The following RALGAPA2 variants were observed in gnomAD, a reference collection of about 807,000 sequenced individuals.
RALGAPA2 encodes the protein Ral GTPase activating protein catalytic subunit alpha 2.
RALGAPA2 carries 139 observed loss-of-function variants against 230.4 expected under a neutral mutation model. That is an observed-to-expected ratio of 0.60 (90% CI 0.53 to 0.69). The LOEUF (loss-of-function observed/expected upper bound fraction) is 0.69. Ranked by LOEUF, RALGAPA2 falls within the 30% of genes least tolerant of loss-of-function variation. The pLI is 0.00. For missense variants in RALGAPA2, 2,163 were observed against 2,276.0 expected (o/e 0.95, Z 1.01); for synonymous variants, 847 against 837.8 (o/e 1.01, Z -0.19).
At chr20:20,519,137 T>C (rs886971769) in intron 31 of RALGAPA2, among the ~76,000 whole-genome samples, 1 of 152,206 alleles carries the variant, frequency 6.6e-6, no homozygotes, top group Non-Finnish European at 1.5e-5. Flanking sequence ...GAGTAAATAA[T>C]GCATTTTAGG....
intron 37 of RALGAPA2, among the ~76,000 whole-genome samples, chr20:20,454,462 T>G (rs1429475533): frequency 6.6e-6 from 1 of 152,206 alleles, no homozygotes; most frequent in African/African-American, 2.4e-5. Context: ...GAAACCCTGG[T>G]TCAAACTTGT....
intron 37 of RALGAPA2, among the ~76,000 whole-genome samples, chr20:20,440,797 C>A (rs2060722672): frequency 6.6e-6 from 1 of 152,252 alleles, no homozygotes; most frequent in Admixed American, 6.5e-5. Flanking sequence ...ATTACATTAG[C>A]TAGCCATTCT....
chr20:20,580,356 C>T (rs1043558410), intron 20 of RALGAPA2, among the ~76,000 whole-genome samples: 2 of 152,172 alleles, frequency 1.3e-5, no homozygotes, highest in Admixed American at 6.6e-5. Context: ...CTTTCACATG[C>T]AAACCTACCA....
rs377045032 is a variant in RALGAPA2 at position 20,630,816 on chromosome 20, T to C, written c.1006-1226A>G. 2.6e-5 allele frequency among the ~76,000 whole-genome samples: 4 copies of C among 152,244 alleles called. No individual in the cohort carries two copies. The East Asian group carries it at 5.8e-4, about 22-fold the overall frequency. On this transcript the variant is annotated intron_variant, in intron 9 of 39. Transcript: ENST00000202677. The stretch of plus-strand genomic sequence containing the variant: ...GATTTCACATATACACACGCATATA[T>C]GTTAATCTGTAGGACACAGAGGCTA...
intron 37 of RALGAPA2, among the ~76,000 whole-genome samples, chr20:20,455,870 T>C (rs1457185346): frequency 6.6e-6 from 1 of 152,122 alleles, no homozygotes; most frequent in Non-Finnish European, 1.5e-5. Flanking sequence ...CATAAACTCA[T>C]CTAAAAAGTC....
At position 20,600,291 on chromosome 20, in the gene RALGAPA2, G is replaced by A. The variant is rs959439759; in HGVS notation, c.2203+1391C>T. On this transcript the variant is annotated intron_variant, in intron 16 of 39. Coordinates refer to ENST00000202677, the MANE Select transcript of RALGAPA2 (RefSeq NM_020343.4). ...AGCCTGAACAACAGCATGAGACTCC[G>A]ACTCAAAAAACAAAACAAAAAAAGA... is the stretch of plus-strand genomic sequence containing the variant. 7.9e-5 allele frequency among the ~76,000 whole-genome samples: 12 copies of A among 152,068 alleles called. No individual in the cohort carries two copies. The South Asian group carries it at 1.5e-3, about 18-fold the overall frequency.
At chr20:20,643,352 C>G (rs2067105086) in intron 5 of RALGAPA2, among the ~76,000 whole-genome samples, 154 bp downstream of exon 5, 1 of 152,172 alleles carries the variant, frequency 6.6e-6, no homozygotes, top group African/African-American at 2.4e-5. Flanking sequence ...GATGTAAGAA[C>G]AAAACCCTAA....
chr20:20,688,249 T>G (rs1002811198), intron 1 of RALGAPA2, among the ~76,000 whole-genome samples: 2 of 151,552 alleles, frequency 1.3e-5, no homozygotes, highest in African/African-American at 4.9e-5. Context: ...GAGGTTGCGG[T>G]GAGCCAACAC....
At chr20:20,645,483 G>A (rs1157189899) in intron 4 of RALGAPA2, among the ~76,000 whole-genome samples, 1 of 152,070 alleles carries the variant, frequency 6.6e-6, no homozygotes, top group Non-Finnish European at 1.5e-5. Flanking sequence ...ACACACAGAG[G>A]AGAAAAATAC....
chr20:20,474,330 G>A (rs187816329), intron 36 of RALGAPA2, among the ~76,000 whole-genome samples: 1 of 152,320 alleles, frequency 6.6e-6, no homozygotes, highest in Admixed American at 6.5e-5. Context: ...CTAAAGTCAA[G>A]CAGGTCACAA....
chr20:20,640,851 G>T lies in RALGAPA2; in HGVS notation c.400C>A (p.Leu134Ile). 6.2e-7 allele frequency: 1 copy of T among 1,613,264 alleles called. No individual in the cohort carries two copies. Among genetic ancestry groups the T allele is most frequent in the Non-Finnish European group, 8.5e-7 (1 of 1,179,476 alleles). Residue 134 changes from leucine (L) to isoleucine (I), a missense_variant, in exon 6 of 40, where the codon CTT becomes ATT. Leu to Ile is a conservative substitution (Grantham distance 5, BLOSUM62 2). Coordinates refer to ENST00000202677, the MANE Select transcript of RALGAPA2 (RefSeq NM_020343.4). ...GTCTGAAGTGCTTGAAGCCACAGAA[G>T]AAACAGCCTGATTCCTTCACATCTT... ...KIRCEGIRLF[L>I]LWLQALQTNC... is the part of the protein sequence containing the mutation.
At chr20:20,393,969 C>A (rs2059652473) in intron 39 of RALGAPA2, among the ~76,000 whole-genome samples, 1 of 152,192 alleles carries the variant, frequency 6.6e-6, no homozygotes. Context: ...ATCATTTCAT[C>A]ACCCTTCCCC....
chr20:20,476,771 A>G lies in RALGAPA2; in HGVS notation c.5368-3815T>C, dbSNP rs1282711474. Reference sequence around the variant, plus strand: ...AATTTCTAAAACTCTGCCCATCACAAAAATGAAAAGGCAAGTTATATATAG... The same window carrying G: ...AATTTCTAAAACTCTGCCCATCACAGAAATGAAAAGGCAAGTTATATATAG... On this transcript the variant is annotated intron_variant, in intron 36 of 39. Coordinates refer to ENST00000202677, the MANE Select transcript of RALGAPA2 (RefSeq NM_020343.4). 1.3e-5 allele frequency among the ~76,000 whole-genome samples: 2 copies of G among 151,874 alleles called. 1 individual carries two copies. The highest frequency in any genetic ancestry group is 4.8e-5 in the African/African-American group (2 of 41,412).
chr20:20,524,789 T>TA (rs749796778), intron 29 of RALGAPA2, 41 bp downstream of exon 29: 16 of 1,475,526 alleles, frequency 1.1e-5, no homozygotes, highest in African/African-American at 7.2e-5. Flanking sequence ...TACATTAAAA[T>TA]AAAAAAACTA....
At chr20:20,540,135 T>C (rs1050147633) in intron 24 of RALGAPA2, among the ~76,000 whole-genome samples, 1 of 152,224 alleles carries the variant, frequency 6.6e-6, no homozygotes, top group Non-Finnish European at 1.5e-5. Context: ...AGAAGTGGGA[T>C]TGCTGGGTCA....
chr20:20,690,129 T>C (rs1220397418), intron 1 of RALGAPA2, among the ~76,000 whole-genome samples: 1 of 152,270 alleles, frequency 6.6e-6, no homozygotes, highest in Non-Finnish European at 1.5e-5. Flanking sequence ...TTCAGAAAAA[T>C]TCTCTGAAGT....
chr20:20,534,152 A>AT (rs1394081276), intron 26 of RALGAPA2, among the ~76,000 whole-genome samples: 1 of 152,190 alleles, frequency 6.6e-6, no homozygotes, highest in African/African-American at 2.4e-5. Flanking sequence ...GAGATAAAAG[A>AT]TAATAGAGAT....
chr20:20,692,597 G>A (rs994940406), intron 1 of RALGAPA2, among the ~76,000 whole-genome samples: 4 of 152,222 alleles, frequency 2.6e-5, no homozygotes, highest in African/African-American at 9.7e-5. Context: ...CTCCTTGCCA[G>A]TGACTCAAGC....
chr20:20,670,714 G>A (rs1395548596), intron 3 of RALGAPA2, among the ~76,000 whole-genome samples: 3 of 151,596 alleles, frequency 2.0e-5, no homozygotes, highest in Non-Finnish European at 2.9e-5. Flanking sequence ...TTGTGAGGCC[G>A]AGGCACATGG....
Sources: gnomAD v4.1 joint callset for allele counts (sites outside exome capture counted in the v4.1 genomes callset) on GRCh38, gnomAD v4.1.1 for gene constraint, MANE v1.5 for transcripts, NCBI Gene and HGNC (gene_info 2026-07-23, HGNC 2026-07-21) for gene names.